API5: variants seen among roughly 807,000 people sequenced by gnomAD.
API5 encodes the protein FIF.
In API5, 6 loss-of-function variants were observed where a neutral mutation model predicts 71.9. The observed-to-expected ratio is 0.08, with a 90% CI of 0.05 to 0.16. API5 has a LOEUF of 0.16. Ranked by LOEUF, API5 falls within the 10% of genes least tolerant of loss-of-function variation. API5 has a pLI of 1.00. For synonymous variants in API5, 189 were observed against 221.3 expected (o/e 0.85, Z 1.30); for missense variants, 332 against 612.8 (o/e 0.54, Z 4.84).
At position 43,326,579 on chromosome 11, in the gene API5, A is replaced by G. The variant is rs771445071; in HGVS notation, c.823A>G (p.Thr275Ala). 15 of 1,609,238 alleles carry G rather than the reference A, an allele frequency of 9.3e-6. No individual in the cohort carries two copies. The African/African-American group carries it at 2.0e-4, about 22-fold the overall frequency. The change falls in exon 7 of 14, where the codon ACC becomes GCC. Residue 275 changes from threonine (T) to alanine (A), a missense_variant. Physicochemically the swap from Thr to Ala is moderately conservative, Grantham distance 58. Transcript: ENST00000531273. ...TCTCCCTAACCTCGGTACCTTGACT[A>G]CCCCAGTGGAAGGTCTTGATATACA... ...QVLPNLGTLT[T>A]PVEGLDIQLE... is the part of the protein sequence containing the mutation.
chr11:43,312,024 G>A lies in API5; in HGVS notation c.-104G>A, dbSNP rs2134329174. The A allele has an allele frequency of 1.6e-6, 2 of 1,284,344 alleles. No homozygotes were observed. Among genetic ancestry groups the A allele is most frequent in the Admixed American group, 2.1e-5 (1 of 47,004 alleles). The allele number at this position is 1,284,344 out of a possible 1,614,324, so 79.6% of individuals were successfully genotyped here. A position where few individuals can be genotyped will look rare whatever the true frequency, so the allele number is the denominator to read the frequency against. On this transcript the variant is annotated 5_prime_UTR_variant, in exon 1 of 14. Transcript: ENST00000531273. ...ACTGGCGGCTGCACTGGCGGCAGCT[G>A]GAGGTGTAATAGTGCGGGTAGTGGG...
In API5 at chr11:43,320,835, A is replaced by T. The variant is rs202237645; in HGVS notation, c.246A>T (p.Ala82=). The T allele has an allele frequency of 1.2e-6, 2 of 1,611,948 alleles. No homozygotes were observed. Among genetic ancestry groups the T allele is most frequent in the African/African-American group, 2.7e-5 (2 of 74,860 alleles). Residue 82 remains alanine (A), a synonymous_variant, in exon 3 of 14, where the codon GCA becomes GCT. Transcript: ENST00000531273. The part of the protein sequence containing the change: ...EDEDVSIRRQ[A]IKELPQFATG... ...ATCATGCCCAGATTCGACGTCAAGC[A>T]ATTAAAGAACTGCCTCAATTTGCCA...
At chr11:43,337,260 A>G (rs1855467812) in intron 13 of API5, among the ~76,000 whole-genome samples, 1 of 152,120 alleles carries the variant, frequency 6.6e-6, no homozygotes, top group African/African-American at 2.4e-5. Flanking sequence ...CCAGGAGGCC[A>G]AAGCTACTGT....
At chr11:43,340,646 T>G (rs1178749282) in intron 13 of API5, among the ~76,000 whole-genome samples, 4 of 152,054 alleles carry the variant, frequency 2.6e-5, no homozygotes, top group Non-Finnish European at 5.9e-5. Flanking sequence ...GCCAACTGAT[T>G]TTTTACAAAG....
intron 4 of API5, 50 bp from the exon 5 acceptor site, chr11:43,321,935 C>T (rs377026354): frequency 5.6e-5 from 87 of 1,543,080 alleles, no homozygotes; most frequent in Non-Finnish European, 7.3e-5. Flanking sequence ...TGGGAAAACA[C>T]CATTACACTA....
chr11:43,340,176 C>A, intron 13 of API5: 3 of 314,440 alleles, frequency 9.5e-6, no homozygotes, highest in Non-Finnish European at 6.1e-6. Flanking sequence ...ATCAAGGTAA[C>A]CCCATTTATA....
At chr11:43,323,691 TACTC>T in intron 6 of API5, 55 bp downstream of exon 6, 1 of 1,528,348 alleles carries the variant, frequency 6.5e-7, no homozygotes, top group Non-Finnish European at 9.0e-7. Flanking sequence ...TTTCCATAAA[TACTC>T]ACTTTAACAT....
At chr11:43,329,405 C>T (rs1855178978) in intron 9 of API5, 1 of 155,142 alleles carries the variant, frequency 6.4e-6, no homozygotes, top group South Asian at 2.0e-4. Context: ...TTAACAAATC[C>T]ATGGGGGGTA....
In API5 at chr11:43,342,651, T is replaced by C. The variant is rs1482186932; in HGVS notation, c.*141T>C. On this transcript the variant is annotated 3_prime_UTR_variant, in exon 14 of 14. Transcript: ENST00000531273. Reference sequence around the variant, plus strand: ...AATGTTCTTTATACCTTTGTATGTATGACCTACTTTTGTAACAGACCATGG... The same window carrying C: ...AATGTTCTTTATACCTTTGTATGTACGACCTACTTTTGTAACAGACCATGG... 1 of 839,524 alleles carries C rather than the reference T, an allele frequency of 1.2e-6. No individual in the cohort carries two copies. Among genetic ancestry groups the C allele is most frequent in the Admixed American group, 2.0e-5 (1 of 50,182 alleles). 52.0% of individuals were successfully genotyped at this position (839,524 alleles called of 1,614,324 possible).
intron 1 of API5, among the ~76,000 whole-genome samples, chr11:43,314,099 T>A (rs1480623810): frequency 3.4e-4 from 50 of 149,014 alleles, no homozygotes; most frequent in African/African-American, 1.2e-3. Flanking sequence ...AAACAAAAAA[T>A]TAAAAAAAAA....
At chr11:43,320,564 G>A (rs1854843115) in intron 2 of API5, among the ~76,000 whole-genome samples, 1 of 151,768 alleles carries the variant, frequency 6.6e-6, no homozygotes, top group Non-Finnish European at 1.5e-5. Context: ...GGCAACATAG[G>A]GAAATCCGCC....
At chr11:43,327,702 A>G in intron 7 of API5, 87 bp from the exon 8 acceptor site, 5 of 920,306 alleles carry the variant, frequency 5.4e-6, no homozygotes, top group Non-Finnish European at 8.2e-6. Flanking sequence ...AATTGAAAAT[A>G]AAGTCTTAAA....
chr11:43,336,175 C>A, intron 13 of API5, 181 bp downstream of exon 13: 1 of 746,676 alleles, frequency 1.3e-6, no homozygotes, highest in Non-Finnish European at 2.0e-6. Context: ...ATTCACCCTT[C>A]TGGGCTGACT....
chr11:43,321,345 T>G, intron 3 of API5, 66 bp from the exon 4 acceptor site: 1 of 1,343,994 alleles, frequency 7.4e-7, no homozygotes, highest in South Asian at 1.2e-5. Flanking sequence ...GAATCAAGTT[T>G]GAAACTGAAG....
At chr11:43,318,618 C>T (rs1488290810) in intron 1 of API5, 22 bp from the exon 2 acceptor site, 1 of 1,609,318 alleles carries the variant, frequency 6.2e-7, no homozygotes, top group East Asian at 2.2e-5. Flanking sequence ...ATGTGTCTTT[C>T]CTGCTTTATT....
chr11:43,321,951 T>C, intron 4 of API5, 34 bp from the exon 5 acceptor site: 1 of 1,587,970 alleles, frequency 6.3e-7, no homozygotes, highest in African/African-American at 1.4e-5. Context: ...CACTATAGAA[T>C]TGACTTGCTA....
Position 43,318,686 on chromosome 11 carries a change from C to G in API5, c.116C>G (p.Thr39Ser), listed in dbSNP as rs747563359. The G allele has an allele frequency of 1.9e-6, 3 of 1,613,356 alleles. No homozygotes were observed. The highest frequency in any genetic ancestry group is 2.5e-6 in the Non-Finnish European group (3 of 1,179,994). Residue 39 changes from threonine (T) to serine (S), a missense_variant, in exon 2 of 14, where the codon ACT (threonine) becomes AGT (serine). Around this residue, in one of 3 missense-constraint regions of API5, gnomAD observed 127 missense variants for 237.6 expected, o/e 0.53. Coordinates refer to ENST00000531273, the MANE Select transcript of API5 (RefSeq NM_001142930.2). Reference sequence around the variant, plus strand: ...ATATTGGATGGTGTGAAAGGTGGTACTAAGGAAAAGCGATTAGCAGCTCAA... The same window carrying G: ...ATATTGGATGGTGTGAAAGGTGGTAGTAAGGAAAAGCGATTAGCAGCTCAA... ...QVILDGVKGG[T>S]KEKRLAAQFI...
Position 43,339,912 on chromosome 11 carries a change from C to G in API5, c.1493-2516C>G, listed in dbSNP as rs750306050. Among the ~76,000 whole-genome samples the G allele has an allele frequency of 4.0e-5, 6 of 151,804 alleles. No individual in the cohort carries two copies. In the South Asian group the frequency reaches 6.2e-4, roughly 16 times the overall value. The stretch of plus-strand genomic sequence containing the variant: ...GTAATGATAGACAATAAATAAAGAA[C>G]TAAGAAGTTGTCATGAAAGTCATAG... On this transcript the variant is annotated intron_variant, in intron 13 of 13. Coordinates refer to ENST00000531273, the MANE Select transcript of API5 (RefSeq NM_001142930.2).
At chr11:43,322,217 G>T in intron 5 of API5, 81 bp downstream of exon 5, 2 of 1,325,554 alleles carry the variant, frequency 1.5e-6, no homozygotes, top group Non-Finnish European at 2.0e-6. Context: ...TCAATGTTAT[G>T]TGTGGCTTGT....
Sources: allele counts gnomAD v4.1 joint callset (sites outside exome capture counted in the v4.1 genomes callset), GRCh38; gene constraint gnomAD v4.1.1; regional missense constraint gnomAD v4.1.1; transcripts MANE v1.5; gene names NCBI Gene and HGNC (gene_info 2026-07-23, HGNC 2026-07-21).